The following PSMA8 variants were observed in gnomAD, a reference collection of about 807,000 sequenced individuals.
PSMA8 encodes proteasome 20S subunit alpha 8, also known as proteasome subunit alpha-type 8.
A neutral mutation model predicts 32.4 loss-of-function variants in PSMA8; 18 were observed. That is an observed-to-expected ratio of 0.56 (90% CI 0.38 to 0.82). The LOEUF is 0.82. Among genes scored for constraint, PSMA8 ranks in the 40% least tolerant of loss-of-function variants. The probability of loss-of-function intolerance (pLI) is 0.00; values close to 1 mark genes in which losing one functional copy is unlikely to be tolerated. For synonymous variants in PSMA8, 104 were observed against 98.1 expected (o/e 1.06, Z -0.36); for missense variants, 298 against 300.7 (o/e 0.99, Z 0.07).
chr18:26,191,871 A>G lies in PSMA8; in HGVS notation c.661-448A>G, dbSNP rs369975016. The stretch of plus-strand genomic sequence containing the variant: ...AAAAATAAAACCTTTTTTGCTTTCT[A>G]CTTAGACATAAAGTAGCATAAATTA... On this transcript the variant is annotated intron_variant, in intron 6 of 6. Transcript: ENST00000415576. 2.0e-5 allele frequency among the ~76,000 whole-genome samples: 3 copies of G among 152,302 alleles called. No homozygotes were observed. The East Asian group carries it at 5.8e-4, about 29-fold the overall frequency.
Position 26,162,824 on chromosome 18 carries a change from C to T in PSMA8, c.477+4580C>T, listed in dbSNP as rs552750866. On this transcript the variant is annotated intron_variant, in intron 4 of 6. Transcript: ENST00000415576. ...GAGCTTGCAGTGAGCTGAGATCACA[C>T]CACTGCACTCCAGCTTGGACAACAG... Among the ~76,000 whole-genome samples, 7 of 152,136 alleles carry T rather than the reference C, an allele frequency of 4.6e-5. No individual in the cohort carries two copies. In the South Asian group the frequency reaches 1.5e-3, roughly 32 times the overall value.
At chr18:26,172,587 T>C (rs1056674012) in intron 4 of PSMA8, among the ~76,000 whole-genome samples, 1 of 152,162 alleles carries the variant, frequency 6.6e-6, no homozygotes, top group Admixed American at 6.5e-5. Context: ...TGGAAGTAAT[T>C]GGTCTTAGAG....
chr18:26,193,040 A>G lies in PSMA8; in HGVS notation c.*629A>G, dbSNP rs2055416561. 1 of 152,244 alleles carries G rather than the reference A, an allele frequency of 6.6e-6. No homozygotes were observed. The highest frequency in any genetic ancestry group is 1.9e-4 in the East Asian group (1 of 5,204). 9.4% of individuals were successfully genotyped at this position (152,244 alleles called of 1,614,324 possible). ...CTGAATTCAAACATGCAATTAAAGC[A>G]TGGGAAGAGCTTCTAAGGGCATCTT... On this transcript the variant is annotated 3_prime_UTR_variant, in exon 7 of 7. Coordinates refer to ENST00000415576, the MANE Select transcript of PSMA8 (RefSeq NM_001025096.2).
At chr18:26,178,736 A>C (rs2055284402) in intron 4 of PSMA8, 94 bp from the exon 5 acceptor site, 2 of 1,074,458 alleles carry the variant, frequency 1.9e-6, no homozygotes, top group Admixed American at 2.4e-5. Flanking sequence ...ATTAAGGTAT[A>C]CTGGAGTAAA....
intron 6 of PSMA8, among the ~76,000 whole-genome samples, chr18:26,186,975 C>T (rs963530666): frequency 1.3e-5 from 2 of 152,190 alleles, no homozygotes; most frequent in Non-Finnish European, 2.9e-5. Flanking sequence ...GATATAAACA[C>T]CTACTTGGGG....
chr18:26,165,254 A>T (rs1324701217), intron 4 of PSMA8, among the ~76,000 whole-genome samples: 8 of 152,216 alleles, frequency 5.3e-5, no homozygotes, highest in Admixed American at 5.2e-4. Context: ...ATAGTTAAGG[A>T]TGAAATATAA....
chr18:26,153,161 A>T (rs1224871369), intron 3 of PSMA8, among the ~76,000 whole-genome samples: 1 of 152,018 alleles, frequency 6.6e-6, no homozygotes, highest in Non-Finnish European at 1.5e-5. Flanking sequence ...TATATGCAAC[A>T]TTGTCTTTTT....
rs749240094 is a variant in PSMA8, at chr18:26,144,598, G to GA, written c.150dup (p.Ser51IlefsTer8). ...TACCAATATAGTTGTTCTTGGGGTA[G>GA]AAAAAAAATCTGTTGCCAAGCTTCA... On this transcript the variant is annotated frameshift_variant, in exon 2 of 7. Transcript: ENST00000415576. LOFTEE classifies it high-confidence loss of function. 3 of 1,613,054 alleles carry GA rather than the reference G, an allele frequency of 1.9e-6. No individual in the cohort carries two copies. The highest frequency in any genetic ancestry group is 1.3e-5 in the African/African-American group (1 of 74,942).
At chr18:26,186,955 T>C (rs2055360508) in intron 6 of PSMA8, among the ~76,000 whole-genome samples, 1 of 152,204 alleles carries the variant, frequency 6.6e-6, no homozygotes, top group South Asian at 2.1e-4. Context: ...CTCCCTAGCC[T>C]AGGAAGTTAG....
chr18:26,157,489 G>A (rs2055099478), intron 3 of PSMA8, among the ~76,000 whole-genome samples: 1 of 151,998 alleles, frequency 6.6e-6, no homozygotes. Context: ...ACTCCTTAGA[G>A]CACAAATTCC....
chr18:26,192,035 T>A (rs2055407674), intron 6 of PSMA8, among the ~76,000 whole-genome samples: 1 of 152,176 alleles, frequency 6.6e-6, no homozygotes, highest in African/African-American at 2.4e-5. Context: ...CGCATTAAAA[T>A]GTTTTTGGAG....
intron 6 of PSMA8, among the ~76,000 whole-genome samples, chr18:26,184,992 G>A (rs1221132735): frequency 6.8e-6 from 1 of 147,704 alleles, no homozygotes; most frequent in Non-Finnish European, 1.5e-5. Context: ...GGGGGCTGAG[G>A]CAGGAGAATC....
chr18:26,168,488 G>A lies in PSMA8; in HGVS notation c.477+10244G>A, dbSNP rs1358397846. On this transcript the variant is annotated intron_variant, in intron 4 of 6. Coordinates refer to ENST00000415576, the MANE Select transcript of PSMA8 (RefSeq NM_001025096.2). ...ATTGCCTAACCAACCCTTTCCCCTT[G>A]TTTTTTTTTTTTTTTTTTTTTTACT... Among the ~76,000 whole-genome samples the A allele has an allele frequency of 2.5e-4, 17 of 67,688 alleles. 2 individuals carry two copies. Among genetic ancestry groups the A allele is most frequent in the Admixed American group, 2.9e-4 (2 of 6,886 alleles). The allele number at this position is 67,688 out of a possible 152,430, so 44.4% of individuals were successfully genotyped here.
intron 6 of PSMA8, among the ~76,000 whole-genome samples, chr18:26,181,108 C>T (rs1175267635): frequency 6.6e-6 from 1 of 152,168 alleles, no homozygotes; most frequent in Non-Finnish European, 1.5e-5. Context: ...CTGTCAATTC[C>T]ATTTGTCCAA....
chr18:26,151,988 C>T lies in PSMA8; in HGVS notation c.354+6C>T, dbSNP rs761453551. ...TCATAGCAACTTTAAAGCAGGTAAGCTAATATTCTAACATACTTTGTTAAG... is the reference window on the plus strand; with the variant it reads ...TCATAGCAACTTTAAAGCAGGTAAGTTAATATTCTAACATACTTTGTTAAG... On this transcript the variant is annotated splice_donor_region_variant and intron_variant, in intron 3 of 6. Coordinates refer to ENST00000415576, the MANE Select transcript of PSMA8 (RefSeq NM_001025096.2). 5 of 1,591,876 alleles carry T rather than the reference C, an allele frequency of 3.1e-6. No individual in the cohort carries two copies. In the Admixed American group the frequency reaches 9.3e-5, roughly 30 times the overall value.
chr18:26,189,573 G>A (rs1040151149), intron 6 of PSMA8, among the ~76,000 whole-genome samples: 3 of 152,060 alleles, frequency 2.0e-5, no homozygotes, highest in African/African-American at 7.2e-5. Flanking sequence ...TCAGAGAAAT[G>A]CAAATCAAAA....
At chr18:26,150,997 A>G (rs1289230847) in intron 2 of PSMA8, among the ~76,000 whole-genome samples, 1 of 152,230 alleles carries the variant, frequency 6.6e-6, no homozygotes, top group Non-Finnish European at 1.5e-5. Flanking sequence ...AAAGGGAAAA[A>G]GAGAATCAGT....
In PSMA8 at chr18:26,149,188, TAAG is replaced by T. The variant is rs571738249; in HGVS notation, c.230-2667_230-2665del. Among the ~76,000 whole-genome samples, 1,084 of 152,086 alleles carry T rather than the reference TAAG, an allele frequency of 7.1e-3. 16 individuals are homozygous for T. Among genetic ancestry groups the T allele is most frequent in the African/African-American group, 0.025 (1,027 of 41,474 alleles). On this transcript the variant is annotated intron_variant, in intron 2 of 6. Coordinates refer to ENST00000415576, the MANE Select transcript of PSMA8 (RefSeq NM_001025096.2). ...ACAATGAACCGTCAGGAAAGGAAAT[TAAG>T]AAAAACAATTCCATGTCAATAGCAT...
intron 2 of PSMA8, 146 bp from the exon 3 acceptor site, chr18:26,151,712 A>C (rs1192848674): frequency 3.3e-6 from 2 of 597,234 alleles, no homozygotes; most frequent in African/African-American, 1.9e-5. Context: ...ATGACACTTT[A>C]TCTCACAAGT....
Sources: gnomAD v4.1 joint callset for allele counts (sites outside exome capture counted in the v4.1 genomes callset) on GRCh38, gnomAD v4.1.1 for gene constraint, MANE v1.5 for transcripts, NCBI Gene and HGNC (gene_info 2026-07-23, HGNC 2026-07-21) for gene names.